The following CCSER1 variants were observed in gnomAD, a reference collection of about 807,000 sequenced individuals.
CCSER1 encodes coiled-coil serine rich protein 1, also known as serine-rich coiled-coil domain-containing protein 1.
Under a neutral mutation model 82.0 loss-of-function variants are expected in CCSER1, and 41 were observed. The ratio of observed to expected loss-of-function variants is 0.50; its 90% CI spans 0.39 to 0.65. The LOEUF is 0.65. Among genes scored for constraint, CCSER1 ranks in the 30% least tolerant of loss-of-function variants. The pLI, the probability that CCSER1 is intolerant of heterozygous loss-of-function variation, is 0.00. For synonymous variants in CCSER1, 414 were observed against 383.9 expected, an observed-to-expected ratio of 1.08 and a Z score of -0.92; for missense variants, 1,119 against 1,064.2, an observed-to-expected ratio of 1.05 and a Z score of -0.72.
chr4:90,342,587 G>A (rs963560819), intron 3 of CCSER1, among the ~76,000 whole-genome samples: 1 of 152,132 alleles, frequency 6.6e-6, no homozygotes, highest in African/African-American at 2.4e-5. Context: ...ATAAAGGAAA[G>A]GTCATTTATC....
chr4:90,241,965 C>A (rs548087975), intron 1 of CCSER1, among the ~76,000 whole-genome samples: 2 of 151,964 alleles, frequency 1.3e-5, no homozygotes, highest in South Asian at 4.2e-4. Flanking sequence ...ATCTACTAAC[C>A]CTGAATTTAA....
chr4:90,164,509 G>A (rs1453380628), intron 1 of CCSER1, among the ~76,000 whole-genome samples: 2 of 152,052 alleles, frequency 1.3e-5, no homozygotes, highest in Non-Finnish European at 2.9e-5. Context: ...ATATAGGTAT[G>A]CTGAAGTAGC....
intron 7 of CCSER1, among the ~76,000 whole-genome samples, chr4:90,759,478 G>T (rs1299894104): frequency 6.6e-6 from 1 of 152,172 alleles, no homozygotes; most frequent in Non-Finnish European, 1.5e-5. Context: ...CCAGAATTGT[G>T]CTGGTAAACA....
intron 1 of CCSER1, among the ~76,000 whole-genome samples, chr4:90,133,978 A>G (rs1227715404): frequency 6.6e-6 from 1 of 152,174 alleles, no homozygotes; most frequent in Non-Finnish European, 1.5e-5. Context: ...AAATAAGGGG[A>G]GTCTTAGAAT....
At chr4:90,190,043 C>G (rs1735327627) in intron 1 of CCSER1, among the ~76,000 whole-genome samples, 1 of 151,940 alleles carries the variant, frequency 6.6e-6, no homozygotes, top group Non-Finnish European at 1.5e-5. Context: ...CATAGTCATT[C>G]TGATAGCGGC....
intron 1 of CCSER1, among the ~76,000 whole-genome samples, chr4:90,211,988 C>T (rs556796665): frequency 1.6e-4 from 25 of 152,268 alleles, no homozygotes; most frequent in African/African-American, 2.9e-4. Flanking sequence ...AGACAACAAC[C>T]GCTGTCAGCC....
intron 5 of CCSER1, among the ~76,000 whole-genome samples, chr4:90,544,042 T>C (rs76401042): frequency 0.012 from 1,894 of 152,150 alleles, 48 homozygotes; most frequent in African/African-American, 0.044. Context: ...GAAGTAACAT[T>C]GTAATGCTGT....
intron 10 of CCSER1, among the ~76,000 whole-genome samples, chr4:91,518,382 CCTT>C (rs1760266166): frequency 6.6e-6 from 1 of 152,082 alleles, no homozygotes; most frequent in African/African-American, 2.4e-5. Flanking sequence ...GACAGATTGG[CCTT>C]CTCTCCTTAG....
chr4:91,152,211 C>A (rs566449129), intron 10 of CCSER1, among the ~76,000 whole-genome samples: 1 of 152,110 alleles, frequency 6.6e-6, no homozygotes, highest in South Asian at 2.1e-4. Flanking sequence ...TTGAATTGAT[C>A]CCTTTACCAT....
rs920470806 is a variant in CCSER1 at position 91,227,952 on chromosome 4, A to G, written c.2217+141958A>G. On this transcript the variant is annotated intron_variant, in intron 10 of 10. Transcript: ENST00000509176. The stretch of plus-strand genomic sequence containing the variant: ...AAGAGAATTTGTAGATTCATCCTCT[A>G]TTTGGTTTTTATTTTTTGCATGTAA... Among the ~76,000 whole-genome samples, 3 of 151,992 alleles carry G rather than the reference A, an allele frequency of 2.0e-5. No individual in the cohort carries two copies. In the South Asian group the frequency reaches 6.2e-4, roughly 31 times the overall value.
At position 90,657,901 on chromosome 4, in the gene CCSER1, C is replaced by G. The variant is rs902907279; in HGVS notation, c.1932+29669C>G. Among the ~76,000 whole-genome samples the G allele has an allele frequency of 2.0e-5, 3 of 152,272 alleles. No homozygotes were observed. The East Asian group carries it at 5.8e-4, about 29-fold the overall frequency. On this transcript the variant is annotated intron_variant, in intron 6 of 10. Coordinates refer to ENST00000509176, the MANE Select transcript of CCSER1 (RefSeq NM_001145065.2). ...GGTGGATTGCTTGAGGCCAGAAGTT[C>G]AAGACCAACCTTGCCAACATGGCAA...
intron 7 of CCSER1, among the ~76,000 whole-genome samples, chr4:90,756,745 C>T (rs890767210): frequency 1.3e-5 from 2 of 152,084 alleles, no homozygotes; most frequent in African/African-American, 4.8e-5. Flanking sequence ...AGACAAGAAC[C>T]GTATACATAT....
intron 1 of CCSER1, among the ~76,000 whole-genome samples, chr4:90,144,381 A>G (rs1409047471): frequency 6.6e-6 from 1 of 152,206 alleles, no homozygotes; most frequent in Non-Finnish European, 1.5e-5. Context: ...GTAAAATATC[A>G]TTAAGTCAAG....
chr4:90,497,870 T>G (rs1205604064), intron 5 of CCSER1, among the ~76,000 whole-genome samples: 1 of 152,028 alleles, frequency 6.6e-6, no homozygotes, highest in Non-Finnish European at 1.5e-5. Flanking sequence ...AAATCTGGCA[T>G]CAGCAGCTAT....
At chr4:90,158,939 T>G (rs1450209063) in intron 1 of CCSER1, among the ~76,000 whole-genome samples, 1 of 152,038 alleles carries the variant, frequency 6.6e-6, no homozygotes, top group Non-Finnish European at 1.5e-5. Context: ...GTACCTCAGA[T>G]GGAAATGCAG....
rs188940911 is a variant in CCSER1 at position 91,362,996 on chromosome 4, A to G, written c.2218-235576A>G. 5.4e-3 allele frequency among the ~76,000 whole-genome samples: 815 copies of G among 151,780 alleles called. 13 individuals carry two copies. Among genetic ancestry groups the G allele is most frequent in the African/African-American group, 0.019 (772 of 41,498 alleles). On this transcript the variant is annotated intron_variant, in intron 10 of 10. Transcript: ENST00000509176. ...ACAAACAATCCAAGCTCAGTTTCAG[A>G]CCCTCATTGTATCCATCCTGGATTG...
At chr4:91,458,414 G>C (rs557383923) in intron 10 of CCSER1, among the ~76,000 whole-genome samples, 1 of 152,026 alleles carries the variant, frequency 6.6e-6, no homozygotes, top group Non-Finnish European at 1.5e-5. Flanking sequence ...ATGCTGTTTT[G>C]GGAACTATAG....
chr4:91,284,105 G>C (rs1027083778), intron 10 of CCSER1, among the ~76,000 whole-genome samples: 1 of 152,072 alleles, frequency 6.6e-6, no homozygotes, highest in Non-Finnish European at 1.5e-5. Context: ...AAAGTCTGGG[G>C]CAAAGAAAGA....
At chr4:91,173,410 C>T (rs1171501533) in intron 10 of CCSER1, among the ~76,000 whole-genome samples, 8 of 151,904 alleles carry the variant, frequency 5.3e-5, no homozygotes, top group African/African-American at 1.2e-4. Context: ...TTGGCTAACA[C>T]GGTGAAACCC....
Sources: gnomAD v4.1 joint callset for allele counts (sites outside exome capture counted in the v4.1 genomes callset) on GRCh38, gnomAD v4.1.1 for gene constraint, MANE v1.5 for transcripts, NCBI Gene and HGNC (gene_info 2026-07-23, HGNC 2026-07-21) for gene names.